PCDHGA8: variants seen among roughly 807,000 people sequenced by gnomAD.
The protein encoded by PCDHGA8 is protocadherin gamma-A8.
PCDHGA8 carries 45 observed loss-of-function variants against 59.2 expected under a neutral mutation model. The ratio of observed to expected loss-of-function variants is 0.76; its 90% CI spans 0.60 to 0.98. The LOEUF is 0.98. PCDHGA8 is among the 50% of genes least tolerant of loss of function. PCDHGA8 has a pLI of 0.00. For missense variants in PCDHGA8, 1,257 were observed against 1,196.2 expected, an observed-to-expected ratio of 1.05 and a Z score of -0.75; for synonymous variants, 531 against 519.0, an observed-to-expected ratio of 1.02 and a Z score of -0.32.
chr5:141,420,242 A>T (rs1241562871), intron 1 of PCDHGA8: 1 of 1,586,666 alleles, frequency 6.3e-7, no homozygotes, highest in Non-Finnish European at 8.6e-7. Context: ...TTTAACTCCC[A>T]GCGTTGAAGC....
At position 141,395,135 on chromosome 5, in the gene PCDHGA8, C is replaced by A. The variant is rs2093181761; in HGVS notation, c.2322C>A (p.Asn774Lys). Residue 774 changes from asparagine to lysine, a missense_variant, in exon 1 of 4, where the codon AAC becomes AAA. By Grantham distance (94) the Asn-to-Lys change is moderately conservative. Transcript: ENST00000398604. ...RKSHLIFPQP[N>K]YADMLISQEG... ...GTCACCTGATCTTTCCCCAGCCCAA[C>A]TACGCAGACATGCTCATCAGTCAGG... is the stretch of plus-strand genomic sequence containing the variant. The A allele has an allele frequency of 1.9e-6, 3 of 1,614,104 alleles. No individual in the cohort carries two copies. The highest frequency in any genetic ancestry group is 2.5e-6 in the Non-Finnish European group (3 of 1,180,040).
Position 141,432,253 on chromosome 5 carries a change from G to A in PCDHGA8, c.2424+37016G>A, listed in dbSNP as rs1193159615. ...CCCTGGCTGAGAACACCATCCAAGGGGCAAGCCTATCGTCCTACGTGTCCA... is the reference window on the plus strand; with the variant it reads ...CCCTGGCTGAGAACACCATCCAAGGAGCAAGCCTATCGTCCTACGTGTCCA... On this transcript the variant is annotated intron_variant, in intron 1 of 3. Coordinates refer to ENST00000398604, the MANE Select transcript of PCDHGA8 (RefSeq NM_032088.2). The surrounding 1 kb of genome is among the most constrained non-coding windows in gnomAD (Gnocchi z 6.0). 2.5e-6 allele frequency: 4 copies of A among 1,614,086 alleles called. No individual in the cohort carries two copies. Among genetic ancestry groups the A allele is most frequent in the Non-Finnish European group, 3.4e-6 (4 of 1,180,046 alleles).
intron 1 of PCDHGA8, chr5:141,400,317 G>A: frequency 6.2e-7 from 1 of 1,614,078 alleles, no homozygotes; most frequent in Middle Eastern, 1.6e-4. Flanking sequence ...TCTGTGTCAA[G>A]TCTGGACCTG....
chr5:141,492,026 G>A, intron 1 of PCDHGA8: 1 of 567,198 alleles, frequency 1.8e-6, no homozygotes, highest in South Asian at 2.9e-5. Flanking sequence ...GGGGTCCCGG[G>A]AGGAGGCAGT....
At position 141,491,196 on chromosome 5, in the gene PCDHGA8, T is replaced by C. The variant is rs899789155; in HGVS notation, c.2425-3611T>C. ...TGGTGGTCCTGGTGAGGGACAATGGTGACCCTTCACTCTCCTCCACAGCCA... is the reference window on the plus strand; with the variant it reads ...TGGTGGTCCTGGTGAGGGACAATGGCGACCCTTCACTCTCCTCCACAGCCA... On this transcript the variant is annotated intron_variant, in intron 1 of 3. Transcript: ENST00000398604. The surrounding 1 kb of genome is among the most constrained non-coding windows in gnomAD (Gnocchi z 6.9). The C allele has an allele frequency of 6.8e-6, 11 of 1,614,186 alleles. No homozygotes were observed. The highest frequency in any genetic ancestry group is 9.3e-6 in the Non-Finnish European group (11 of 1,180,030).
chr5:141,426,865 T>G (rs2096965950), intron 1 of PCDHGA8: 1 of 456,600 alleles, frequency 2.2e-6, no homozygotes, highest in African/African-American at 2.0e-5. Flanking sequence ...GAATTAGTGC[T>G]GGAGAAGCCC....
intron 1 of PCDHGA8, among the ~76,000 whole-genome samples, chr5:141,446,482 C>CT (rs112180482): frequency 6.3e-4 from 92 of 147,004 alleles, no homozygotes; most frequent in East Asian, 4.0e-3. Context: ...GGTCATCATT[C>CT]TTTTTTTTTT....
intron 1 of PCDHGA8, chr5:141,410,439 G>A (rs775594110): frequency 3.1e-6 from 5 of 1,614,006 alleles, no homozygotes; most frequent in Admixed American, 3.3e-5. Context: ...TACAGTGAGG[G>A]GACTTTGCCT....
chr5:141,403,248 G>A lies in PCDHGA8; in HGVS notation c.2424+8011G>A, dbSNP rs778873368. 3.1e-6 allele frequency: 5 copies of A among 1,613,928 alleles called. No homozygotes were observed. The Admixed American group carries it at 6.7e-5, about 22-fold the overall frequency. On this transcript the variant is annotated intron_variant, in intron 1 of 3. Transcript: ENST00000398604. ...GACCGGGAGGAGCTCTGTGCTCAGA[G>A]CCCGCGGTGTCTGGTGAACTTTAAA...
rs146372628 is a variant in PCDHGA8, at chr5:141,476,246, G to A, written c.2425-18561G>A. On this transcript the variant is annotated intron_variant, in intron 1 of 3. Coordinates refer to ENST00000398604, the MANE Select transcript of PCDHGA8 (RefSeq NM_032088.2). The surrounding 1 kb of genome is among the most constrained non-coding windows in gnomAD (Gnocchi z 7.6). ...TGAGATCCCGGAGGAAAGAGAGAAG[G>A]GTTTCGCTGTGGGCAACGTGGTCGC... 1.0e-3 allele frequency: 1,689 copies of A among 1,613,996 alleles called. 1 individual carries two copies. Among genetic ancestry groups the A allele is most frequent in the Non-Finnish European group, 1.3e-3 (1,557 of 1,180,008 alleles).
chr5:141,510,435 C>T (rs938448523), intron 3 of PCDHGA8, among the ~76,000 whole-genome samples: 2 of 152,108 alleles, frequency 1.3e-5, no homozygotes, highest in Non-Finnish European at 2.9e-5. Context: ...ATGGCTGCTG[C>T]CCTCCAGGAG....
intron 1 of PCDHGA8, among the ~76,000 whole-genome samples, chr5:141,450,088 C>T (rs1358812478): frequency 1.3e-5 from 2 of 148,484 alleles, no homozygotes; most frequent in East Asian, 2.0e-4. Context: ...CTCACTGCAA[C>T]CTCCGCCTCC....
chr5:141,473,274 TA>T (rs2099318463), intron 1 of PCDHGA8, among the ~76,000 whole-genome samples: 1 of 152,210 alleles, frequency 6.6e-6, no homozygotes, highest in South Asian at 2.1e-4. Context: ...ATGCTATGAT[TA>T]TTTTACTATG....
chr5:141,477,532 C>A lies in PCDHGA8; in HGVS notation c.2425-17275C>A. 6.2e-7 allele frequency: 1 copy of A among 1,614,146 alleles called. No individual in the cohort carries two copies. The highest frequency in any genetic ancestry group is 8.5e-7 in the Non-Finnish European group (1 of 1,180,028). ...TTTACATTGAAGAAAACAACCTCCC[C>A]GGGGCTCCAATACTAAACCTAAGTG... On this transcript the variant is annotated intron_variant, in intron 1 of 3. Coordinates refer to ENST00000398604, the MANE Select transcript of PCDHGA8 (RefSeq NM_032088.2). The surrounding 1 kb of genome is among the most constrained non-coding windows in gnomAD (Gnocchi z 4.9).
At position 141,421,975 on chromosome 5, in the gene PCDHGA8, G is replaced by A. The variant is rs1287891140; in HGVS notation, c.2424+26738G>A. 3.1e-6 allele frequency: 5 copies of A among 1,610,050 alleles called. No individual in the cohort carries two copies. The South Asian group carries it at 3.3e-5, about 11-fold the overall frequency. On this transcript the variant is annotated intron_variant, in intron 1 of 3. Coordinates refer to ENST00000398604, the MANE Select transcript of PCDHGA8 (RefSeq NM_032088.2). ...AATGTTTACACAGTCCGTATATCGC[G>A]TGAGTGTTCCAGAAAACATCAGCTC...
rs546603908 is a variant in PCDHGA8, at chr5:141,408,104, C to G, written c.2424+12867C>G. ...ACAGCGGATTGCCAGCTCCGAGACCCGGGACTCCTCCTGTCCTGGGCCGAA... is the reference window on the plus strand; with the variant it reads ...ACAGCGGATTGCCAGCTCCGAGACCGGGGACTCCTCCTGTCCTGGGCCGAA... On this transcript the variant is annotated intron_variant, in intron 1 of 3. Coordinates refer to ENST00000398604, the MANE Select transcript of PCDHGA8 (RefSeq NM_032088.2). The G allele has an allele frequency of 2.8e-3, 4,048 of 1,441,886 alleles. 13 individuals carry two copies. Among genetic ancestry groups the G allele is most frequent in the Admixed American group, 6.6e-3 (242 of 36,606 alleles). 89.3% of individuals were successfully genotyped at this position (1,441,886 alleles called of 1,614,324 possible). A position where few individuals can be genotyped will look rare whatever the true frequency, so the allele number is the denominator to read the frequency against.
chr5:141,405,994 C>T (rs2094743060), intron 1 of PCDHGA8, among the ~76,000 whole-genome samples: 1 of 151,930 alleles, frequency 6.6e-6, no homozygotes, highest in African/African-American at 2.4e-5. Context: ...GGGTAGCTCT[C>T]AGCCTGCATT....
intron 1 of PCDHGA8, chr5:141,422,846 A>T: frequency 2.5e-6 from 4 of 1,614,102 alleles, no homozygotes; most frequent in Non-Finnish European, 3.4e-6. Flanking sequence ...GACAGCGGGG[A>T]CCCGCCCCTC....
At chr5:141,438,637 C>T (rs11958903) in intron 1 of PCDHGA8, among the ~76,000 whole-genome samples, 3,503 of 30,116 alleles carry the variant, frequency 0.12, 108 homozygotes, top group Non-Finnish European at 0.15. Context: ...TATATATATA[C>T]ACACACACAC....
Sources: gnomAD v4.1 joint callset for allele counts (sites outside exome capture counted in the v4.1 genomes callset) on GRCh38, gnomAD v4.1.1 for gene constraint, Gnocchi (gnomAD v3.1) non-coding constraint, MANE v1.5 for transcripts, NCBI Gene and HGNC (gene_info 2026-07-23, HGNC 2026-07-21) for gene names.